The following EVC variants were observed in gnomAD, a reference collection of about 807,000 sequenced individuals.
The protein encoded by EVC is EvC ciliary complex subunit 1, also known as evC complex member EVC.
A neutral mutation model predicts 118.9 loss-of-function variants in EVC; 116 were observed. The observed-to-expected ratio is 0.98, with a 90% CI of 0.84 to 1.14. The LOEUF is 1.14. Among genes scored for constraint, EVC ranks in the 50% most tolerant of loss-of-function variants. The pLI is 0.00. For missense variants in EVC, 1,401 were observed against 1,246.4 expected (o/e 1.12, Z -1.87); for synonymous variants, 619 against 534.7 (o/e 1.16, Z -2.18).
At position 5,748,148 on chromosome 4, in the gene EVC, A is replaced by G. The variant is rs557010916; in HGVS notation, c.940A>G (p.Met314Val). 5 of 1,614,192 alleles carry G rather than the reference A, an allele frequency of 3.1e-6. No homozygotes were observed. Among genetic ancestry groups the G allele is most frequent in the African/African-American group, 1.3e-5 (1 of 75,046 alleles). Residue 314 changes from methionine (M) to valine (V), a missense_variant and splice_region_variant, in exon 8 of 21, where the codon ATG becomes GTG. By Grantham distance (21) the Met-to-Val change is conservative. Transcript: ENST00000264956. ...REYSEQLIDN[M>V]EAFWKQMANI... ...CTTGCTGCTTGTGCTCATTTCACAG[A>G]TGGAAGCTTTCTGGAAACAGATGGC...
chr4:5,754,042 C>T lies in EVC; in HGVS notation c.1464+109C>T. 7.0e-7 allele frequency: 1 copy of T among 1,418,570 alleles called. No homozygotes were observed. The highest frequency in any genetic ancestry group is 9.9e-7 in the Non-Finnish European group (1 of 1,013,234). The allele number at this position is 1,418,570 out of a possible 1,614,324, so 87.9% of individuals were successfully genotyped here. A position where few individuals can be genotyped will look rare whatever the true frequency, so the allele number is the denominator to read the frequency against. On this transcript the variant is annotated intron_variant, in intron 10 of 20. Coordinates refer to ENST00000264956, the MANE Select transcript of EVC (RefSeq NM_153717.3). This position sits in a 1 kb window ranked among gnomAD's most constrained non-coding sequence, Gnocchi z 5.8. ...ATTCATCAGGCATGAGGTTATCTGC[C>T]TACTTCCCATGTGTCAGCCGAGTGA...
chr4:5,814,480 G>A (rs1717373241), downstream of EVC, among the ~76,000 whole-genome samples: 3 of 152,098 alleles, frequency 2.0e-5, no homozygotes, highest in African/African-American at 4.8e-5. Context: ...TGCCACAGAA[G>A]CCTCTCCTGC....
At chr4:5,752,192 T>C (rs1730481858) in intron 8 of EVC, among the ~76,000 whole-genome samples, 1 of 152,032 alleles carries the variant, frequency 6.6e-6, no homozygotes, top group African/African-American at 2.4e-5. Context: ...CGTCCGCTCC[T>C]CCTTTCCCCC....
intron 5 of EVC, among the ~76,000 whole-genome samples, chr4:5,740,650 A>G (rs1675254864): frequency 6.6e-6 from 1 of 152,156 alleles, no homozygotes; most frequent in African/African-American, 2.4e-5. Flanking sequence ...AGATGAGAAG[A>G]CAAGCTACAG....
At chr4:5,801,788 T>C (rs959961933) in intron 15 of EVC, 162 bp from the exon 16 acceptor site, 1 of 728,306 alleles carries the variant, frequency 1.4e-6, no homozygotes, top group Non-Finnish European at 2.4e-6. Context: ...CCATGACTAG[T>C]TTAAACCAGC....
Position 5,811,021 on chromosome 4 carries a change from G to A in EVC, c.2963G>A (p.Arg988Lys). The change falls in exon 21 of 21, where the codon AGA becomes AAA. Residue 988 changes from arginine (R) to lysine (K), a missense_variant. Transcript: ENST00000264956. ...GGGAACTCAAAGAAGATGCTAAAGA[G>A]AAGAAGCAACTTGTAGTTTAAGACC... ...DSGNSKKMLK[R>K]RSNL The A allele has an allele frequency of 6.2e-7, 1 of 1,612,186 alleles. No homozygotes were observed. Among genetic ancestry groups the A allele is most frequent in the Non-Finnish European group, 8.5e-7 (1 of 1,179,036 alleles).
At chr4:5,747,305 G>A (rs951478643) in intron 7 of EVC, among the ~76,000 whole-genome samples, 1 of 152,164 alleles carries the variant, frequency 6.6e-6, no homozygotes, top group Non-Finnish European at 1.5e-5. Flanking sequence ...AGTCCAGCCA[G>A]AAGTGTCCAT....
At chr4:5,722,962 C>G (rs1278242463) in intron 2 of EVC, among the ~76,000 whole-genome samples, 1 of 152,214 alleles carries the variant, frequency 6.6e-6, no homozygotes, top group Non-Finnish European at 1.5e-5. Flanking sequence ...GCAGAGCCCG[C>G]TCCTTCCCTG....
intron 2 of EVC, among the ~76,000 whole-genome samples, chr4:5,726,338 C>T (rs147335212): frequency 5.7e-4 from 87 of 152,288 alleles, no homozygotes; most frequent in African/African-American, 1.9e-3. Flanking sequence ...ATTCACTATC[C>T]GGTTGTTTCC....
At position 5,738,441 on chromosome 4, in the gene EVC, A is replaced by G. The variant is rs1169535306; in HGVS notation, c.703-3275A>G. Among the ~76,000 whole-genome samples, 1 of 152,198 alleles carries G rather than the reference A, an allele frequency of 6.6e-6. No homozygotes were observed. The highest frequency in any genetic ancestry group is 1.5e-5 in the Non-Finnish European group (1 of 68,040). ...GCTATCGAATAGCATGGCACGCTGC[A>G]GAGAAATCTTTTGTGAAAGGAAGAG... is the stretch of plus-strand genomic sequence containing the variant. On this transcript the variant is annotated intron_variant, in intron 5 of 20. Coordinates refer to ENST00000264956, the MANE Select transcript of EVC (RefSeq NM_153717.3). The surrounding 1 kb of genome is among the most constrained non-coding windows in gnomAD (Gnocchi z 6.5).
At position 5,787,064 on chromosome 4, in the gene EVC, T is replaced by C. The variant is rs150588871; in HGVS notation, c.1776+3300T>C. On this transcript the variant is annotated intron_variant, in intron 12 of 20. Transcript: ENST00000264956. ...ACAAATTGCCTTTCCCACATTGTTT[T>C]CTATCCAAAAAGACAGTGGGTCGTT... 1.3e-4 allele frequency among the ~76,000 whole-genome samples: 20 copies of C among 152,316 alleles called. No individual in the cohort carries two copies. The East Asian group carries it at 3.7e-3, about 28-fold the overall frequency.
chr4:5,731,687 C>A lies in EVC; in HGVS notation c.617+30C>A, dbSNP rs376142344. 13 of 1,588,518 alleles carry A rather than the reference C, an allele frequency of 8.2e-6. No individual in the cohort carries two copies. The highest frequency in any genetic ancestry group is 1.1e-5 in the Non-Finnish European group (13 of 1,161,086). On this transcript the variant is annotated intron_variant, in intron 4 of 20. Transcript: ENST00000264956. This position sits in a 1 kb window ranked among gnomAD's most constrained non-coding sequence, Gnocchi z 5.6. ...GGAGAGCGGGCAATGGAGGATGAGG[C>A]TTCCAGTCCTCTTGGAGTGGGCCGG... is the stretch of plus-strand genomic sequence containing the variant.
intron 5 of EVC, 112 bp downstream of exon 5, chr4:5,733,547 C>A: frequency 1.0e-6 from 1 of 959,250 alleles, no homozygotes; most frequent in Non-Finnish European, 1.7e-6. Flanking sequence ...TCAGTGGAAA[C>A]AGAGCCGCTG....
chr4:5,801,717 A>T (rs1370488405), intron 15 of EVC: 4 of 498,220 alleles, frequency 8.0e-6, no homozygotes, highest in Non-Finnish European at 1.5e-5. Context: ...CTCTTAGCCG[A>T]CTTTCCCTAA....
intron 11 of EVC, among the ~76,000 whole-genome samples, chr4:5,773,411 G>A (rs1451295054): frequency 6.6e-6 from 1 of 152,098 alleles, no homozygotes; most frequent in Non-Finnish European, 1.5e-5. Flanking sequence ...ACTAGCCTGG[G>A]CATGTTCTTC....
intron 18 of EVC, among the ~76,000 whole-genome samples, chr4:5,808,528 G>C (rs569210885): frequency 8.6e-4 from 131 of 152,314 alleles, no homozygotes; most frequent in Non-Finnish European, 1.3e-3. Flanking sequence ...AGTGTGGCCT[G>C]TGTGGATCCC....
chr4:5,733,411 G>A lies in EVC; in HGVS notation c.678G>A (p.Thr226=), dbSNP rs772621806. 1.1e-5 allele frequency: 18 copies of A among 1,613,904 alleles called. No individual in the cohort carries two copies. The Admixed American group carries it at 1.5e-4, about 13-fold the overall frequency. The part of the protein sequence containing the change: ...LHLKDLLHLD[T]ALRQEKHMMF... ...TAAAAGACCTGCTGCATTTGGACAC[G>A]GCACTGAGGCAGGAAAAGCATATGG... The change falls in exon 5 of 21, where the codon ACG becomes ACA. Residue 226 remains threonine, a synonymous_variant. Transcript: ENST00000264956.
chr4:5,732,023 G>A lies in EVC; in HGVS notation c.617+366G>A, dbSNP rs972545032. Among the ~76,000 whole-genome samples the A allele has an allele frequency of 5.9e-5, 9 of 152,184 alleles. 1 individual carries two copies. The highest frequency in any genetic ancestry group is 5.2e-4 in the Admixed American group (8 of 15,286). On this transcript the variant is annotated intron_variant, in intron 4 of 20. Transcript: ENST00000264956. The stretch of plus-strand genomic sequence containing the variant: ...TCTCATGAGGATTTTGCCCAGTGAG[G>A]GGGATCCTGGGACAAGTTCAGCAAT...
intron 13 of EVC, among the ~76,000 whole-genome samples, chr4:5,795,252 A>G (rs1012231816): frequency 9.9e-5 from 15 of 152,234 alleles, no homozygotes; most frequent in African/African-American, 2.2e-4. Flanking sequence ...TCAGGTATCA[A>G]TATAACTATT....
Sources: gnomAD v4.1 joint callset for allele counts (sites outside exome capture counted in the v4.1 genomes callset) on GRCh38, gnomAD v4.1.1 for gene constraint, Gnocchi (gnomAD v3.1) non-coding constraint, MANE v1.5 for transcripts, NCBI Gene and HGNC (gene_info 2026-07-23, HGNC 2026-07-21) for gene names.